Variants in PAK5 observed in about 807,000 individuals in gnomAD.
The protein encoded by PAK5 is p21 (RAC1) activated kinase 5.
Under a neutral mutation model 65.9 loss-of-function variants are expected in PAK5, and 16 were observed. The ratio of observed to expected loss-of-function variants is 0.24; its 90% CI spans 0.16 to 0.37. The LOEUF is 0.37. PAK5 is among the 10% of genes least tolerant of loss of function. PAK5 has a pLI of 1.00. For missense variants in PAK5, 785 were observed against 903.9 expected (o/e 0.87, Z 1.69); for synonymous variants, 371 against 354.9 (o/e 1.05, Z -0.51).
intron 2 of PAK5, among the ~76,000 whole-genome samples, chr20:9,686,576 T>C (rs2047722314): frequency 6.6e-6 from 1 of 152,144 alleles, no homozygotes; most frequent in Admixed American, 6.5e-5. Context: ...TGGAAGTAGC[T>C]GCATCCTTCT....
At chr20:9,722,504 C>T (rs1169373810) in intron 1 of PAK5, among the ~76,000 whole-genome samples, 2 of 151,504 alleles carry the variant, frequency 1.3e-5, no homozygotes, top group East Asian at 4.0e-4. Flanking sequence ...CCCAGCTACT[C>T]GGGAGGCTGA....
At chr20:9,723,834 C>T (rs531820693) in intron 1 of PAK5, among the ~76,000 whole-genome samples, 3 of 152,282 alleles carry the variant, frequency 2.0e-5, no homozygotes, top group South Asian at 2.1e-4. Context: ...CCTGACGATG[C>T]ATGAGCAAGC....
At chr20:9,640,816 G>T (rs1272551154) in intron 3 of PAK5, among the ~76,000 whole-genome samples, 5 of 152,062 alleles carry the variant, frequency 3.3e-5, no homozygotes, top group Non-Finnish European at 4.4e-5. Context: ...CTCCTGGTGG[G>T]CTCGTGGTCT....
At chr20:9,663,269 C>A (rs1423400826) in intron 2 of PAK5, among the ~76,000 whole-genome samples, 6 of 152,124 alleles carry the variant, frequency 3.9e-5, no homozygotes, top group Non-Finnish European at 8.8e-5. Flanking sequence ...GAAGCAATCC[C>A]ACTATGTGAC....
At chr20:9,687,571 G>A (rs1193704584) in intron 2 of PAK5, among the ~76,000 whole-genome samples, 1 of 152,126 alleles carries the variant, frequency 6.6e-6, no homozygotes, top group African/African-American at 2.4e-5. Flanking sequence ...CTGGGTCAGA[G>A]TTTCTCCAGG....
In PAK5 at chr20:9,750,807, G is replaced by A. The variant is rs538986035; in HGVS notation, c.-161-39372C>T. Among the ~76,000 whole-genome samples, 6 of 152,212 alleles carry A rather than the reference G, an allele frequency of 3.9e-5. No homozygotes were observed. In the South Asian group the frequency reaches 1.2e-3, roughly 32 times the overall value. On this transcript the variant is annotated intron_variant, in intron 1 of 9. Transcript: ENST00000353224. ...CACTGTAACCACCATGAGTACTGAT[G>A]ATAGTTCCTACCATCCCTATGGTCC...
chr20:9,671,440 T>G (rs887780488), intron 2 of PAK5, among the ~76,000 whole-genome samples: 5 of 152,086 alleles, frequency 3.3e-5, no homozygotes, highest in African/African-American at 1.2e-4. Context: ...TGTATCCTCT[T>G]TTATTTCATT....
At chr20:9,686,512 C>T (rs2047721503) in intron 2 of PAK5, among the ~76,000 whole-genome samples, 1 of 152,162 alleles carries the variant, frequency 6.6e-6, no homozygotes, top group South Asian at 2.1e-4. Flanking sequence ...CCTCCTGCCT[C>T]TCCCAAACTG....
intron 8 of PAK5, among the ~76,000 whole-genome samples, chr20:9,543,645 C>T (rs2122890505): frequency 6.6e-6 from 1 of 152,304 alleles, no homozygotes; most frequent in South Asian, 2.1e-4. Context: ...ACCATCCACA[C>T]CATAAAGTGT....
At chr20:9,593,996 G>A (rs572330311) in intron 3 of PAK5, among the ~76,000 whole-genome samples, 76 of 152,350 alleles carry the variant, frequency 5.0e-4, no homozygotes, top group Non-Finnish European at 8.7e-4. Flanking sequence ...TCATCTGGCA[G>A]CTTCAATTGC....
chr20:9,746,758 A>C lies in PAK5; in HGVS notation c.-161-35323T>G, dbSNP rs1291644215. Among the ~76,000 whole-genome samples the C allele has an allele frequency of 2.6e-5, 4 of 152,284 alleles. No individual in the cohort carries two copies. The East Asian group carries it at 7.7e-4, about 29-fold the overall frequency. On this transcript the variant is annotated intron_variant, in intron 1 of 9. Coordinates refer to ENST00000353224, the MANE Select transcript of PAK5 (RefSeq NM_177990.4). ...ACCGCACAGACATTCCTTGAGCTGA[A>C]CCAGAAAAGCCAACAGTACCAAAAG...
At chr20:9,794,491 G>C (rs2049083883) in intron 1 of PAK5, among the ~76,000 whole-genome samples, 1 of 152,038 alleles carries the variant, frequency 6.6e-6, no homozygotes, top group African/African-American at 2.4e-5. Flanking sequence ...GCAGACTGGT[G>C]GTCTTGATGA....
chr20:9,554,144 A>G (rs766961313), intron 7 of PAK5, among the ~76,000 whole-genome samples: 1 of 152,244 alleles, frequency 6.6e-6, no homozygotes, highest in Non-Finnish European at 1.5e-5. Context: ...TTTTCCAAAA[A>G]TGCCAACAAT....
At chr20:9,624,347 C>T (rs796231146) in intron 3 of PAK5, among the ~76,000 whole-genome samples, 19 of 152,150 alleles carry the variant, frequency 1.2e-4, no homozygotes, top group African/African-American at 3.9e-4. Context: ...TGACATCATG[C>T]CTAGCCCATG....
At chr20:9,781,715 AC>A (rs33946932) in intron 1 of PAK5, among the ~76,000 whole-genome samples, 122,274 of 151,856 alleles carry the variant, frequency 0.81, 49,674 homozygotes, top group African/African-American at 0.93. Context: ...ACTATCCTTG[AC>A]CCCTTTCCCC....
rs866798378 is a variant in PAK5 at position 9,699,122 on chromosome 20, C to G, written c.-12+12164G>C. ...TGCATCCCCTGTACTACAACCAGATCTCTGCTTGCTGTCTTTTGTGTCCTA... is the reference window on the plus strand; with the variant it reads ...TGCATCCCCTGTACTACAACCAGATGTCTGCTTGCTGTCTTTTGTGTCCTA... On this transcript the variant is annotated intron_variant, in intron 2 of 9. Transcript: ENST00000353224. 5.9e-5 allele frequency among the ~76,000 whole-genome samples: 9 copies of G among 152,210 alleles called. 1 individual carries two copies. In the South Asian group the frequency reaches 8.3e-4, roughly 14 times the overall value.
At chr20:9,749,989 C>G (rs1712248928) in intron 1 of PAK5, among the ~76,000 whole-genome samples, 2 of 152,274 alleles carry the variant, frequency 1.3e-5, no homozygotes, top group Middle Eastern at 3.4e-3. Context: ...GACAAATTAT[C>G]CAAACATTAT....
chr20:9,663,514 C>T (rs576547894), intron 2 of PAK5, among the ~76,000 whole-genome samples: 37 of 152,224 alleles, frequency 2.4e-4, no homozygotes, highest in African/African-American at 8.9e-4. Flanking sequence ...CTTAATACTA[C>T]TATTTAATTT....
chr20:9,693,608 A>G (rs1206465979), intron 2 of PAK5, among the ~76,000 whole-genome samples: 1 of 152,206 alleles, frequency 6.6e-6, no homozygotes, highest in African/African-American at 2.4e-5. Context: ...TCAGTAATGT[A>G]GAATTTCAAT....
Sources: allele counts gnomAD v4.1 joint callset (sites outside exome capture counted in the v4.1 genomes callset), GRCh38; gene constraint gnomAD v4.1.1; transcripts MANE v1.5; gene names NCBI Gene and HGNC (gene_info 2026-07-23, HGNC 2026-07-21).